The following TOPBP1 variants were observed in gnomAD, a reference collection of about 807,000 sequenced individuals.
TOPBP1 encodes the protein DNA topoisomerase II binding protein 1.
TOPBP1 carries 28 observed loss-of-function variants against 167.7 expected under a neutral mutation model. The ratio of observed to expected loss-of-function variants is 0.17; its 90% CI spans 0.12 to 0.23. TOPBP1 has a LOEUF of 0.23. TOPBP1 is among the 10% of genes least tolerant of loss of function. The pLI, the probability that TOPBP1 is intolerant of heterozygous loss-of-function variation, is 1.00. For synonymous variants in TOPBP1, 598 were observed against 611.4 expected (o/e 0.98, Z 0.32); for missense variants, 1,554 against 1,809.6 (o/e 0.86, Z 2.56).
chr3:133,641,859 T>C (rs1332709219), intron 12 of TOPBP1, among the ~76,000 whole-genome samples: 1 of 152,218 alleles, frequency 6.6e-6, no homozygotes, highest in Non-Finnish European at 1.5e-5. Context: ...AATATACAGC[T>C]ATACGAATTA....
chr3:133,622,555 G>A (rs746205346), intron 19 of TOPBP1, among the ~76,000 whole-genome samples: 3 of 151,920 alleles, frequency 2.0e-5, no homozygotes, highest in Non-Finnish European at 4.4e-5. Context: ...TATGCATAAA[G>A]CAGCTCTAGA....
chr3:133,602,257 T>G (rs371447828), intron 27 of TOPBP1, among the ~76,000 whole-genome samples: 5 of 152,162 alleles, frequency 3.3e-5, no homozygotes, highest in Admixed American at 6.5e-5. Flanking sequence ...AAGTCTTTAA[T>G]AGAAGAAAAA....
chr3:133,631,208 G>A (rs1185239755), intron 14 of TOPBP1, among the ~76,000 whole-genome samples: 6 of 152,142 alleles, frequency 3.9e-5, no homozygotes, highest in Non-Finnish European at 7.4e-5. Flanking sequence ...CCCAAAAGTT[G>A]ATCATCTAAA....
In TOPBP1 at chr3:133,628,675, C is replaced by T. The variant is rs767909970; in HGVS notation, c.2579G>A (p.Ser860Asn). The change falls in exon 15 of 28, where the codon AGT becomes AAT. Residue 860 changes from serine (S) to asparagine (N), a missense_variant. Ser to Asn is a conservative substitution (Grantham distance 46, BLOSUM62 1). Coordinates refer to ENST00000260810, the MANE Select transcript of TOPBP1 (RefSeq NM_007027.4). ...GRPSQQKRKPSTPLSEVIVKN... is the reference protein window; with the variant it reads ...GRPSQQKRKPNTPLSEVIVKN... Reference sequence around the variant, plus strand: ...GACAATAACTTCTGAGAGTGGCGTACTCGGTTTCCTTTTCTGTTGGCTGGG... The same window carrying T: ...GACAATAACTTCTGAGAGTGGCGTATTCGGTTTCCTTTTCTGTTGGCTGGG... The T allele has an allele frequency of 1.3e-6, 2 of 1,565,976 alleles. No homozygotes were observed. The highest frequency in any genetic ancestry group is 1.7e-6 in the Non-Finnish European group (2 of 1,154,200).
At chr3:133,650,876 A>G (rs897685151) in intron 8 of TOPBP1, among the ~76,000 whole-genome samples, 1 of 152,174 alleles carries the variant, frequency 6.6e-6, no homozygotes, top group African/African-American at 2.4e-5. Context: ...TGGGAGGCCA[A>G]GGTGGGCAGA....
At chr3:133,618,634 A>C (rs1314303435) in intron 20 of TOPBP1, among the ~76,000 whole-genome samples, 1 of 152,154 alleles carries the variant, frequency 6.6e-6, no homozygotes, top group Non-Finnish European at 1.5e-5. Context: ...CAGAAAAGTT[A>C]TCTGTTTTAG....
intron 27 of TOPBP1, among the ~76,000 whole-genome samples, chr3:133,605,450 G>A (rs957579738): frequency 6.6e-6 from 1 of 150,666 alleles, no homozygotes; most frequent in Non-Finnish European, 1.5e-5. Context: ...AATATGGCGT[G>A]ATCAAGTGGG....
At chr3:133,649,240 A>G in intron 10 of TOPBP1, 143 bp downstream of exon 10, 1 of 1,181,850 alleles carries the variant, frequency 8.5e-7, no homozygotes, top group Non-Finnish European at 1.1e-6. Flanking sequence ...CTGCTCAGAA[A>G]AAAAGTTATG....
At chr3:133,630,327 C>A (rs1935427119) in intron 14 of TOPBP1, among the ~76,000 whole-genome samples, 1 of 148,896 alleles carries the variant, frequency 6.7e-6, no homozygotes, top group Admixed American at 6.7e-5. Context: ...GAGATGGAGT[C>A]CTGCTTTGTC....
intron 9 of TOPBP1, 68 bp downstream of exon 9, chr3:133,649,712 T>A: frequency 6.3e-7 from 1 of 1,584,598 alleles, no homozygotes; most frequent in African/African-American, 1.4e-5. Flanking sequence ...TTTCCAGAAC[T>A]GCGTGGATAT....
intron 25 of TOPBP1, 53 bp from the exon 26 acceptor site, chr3:133,609,015 T>A (rs1438341015): frequency 3.0e-6 from 4 of 1,349,796 alleles, no homozygotes; most frequent in Non-Finnish European, 4.2e-6. Context: ...AACAAAATAA[T>A]ACAGATAATG....
At chr3:133,609,301 C>T (rs1934598517) in intron 25 of TOPBP1, among the ~76,000 whole-genome samples, 1 of 152,048 alleles carries the variant, frequency 6.6e-6, no homozygotes, top group South Asian at 2.1e-4. Context: ...TAGATGAAGC[C>T]TGCGTTTCAC....
intron 27 of TOPBP1, among the ~76,000 whole-genome samples, chr3:133,606,922 TAC>T (rs369226982): frequency 4.0e-5 from 6 of 151,548 alleles, no homozygotes; most frequent in African/African-American, 9.7e-5. Context: ...AAATATTAAA[TAC>T]ACACACACAC....
intron 14 of TOPBP1, among the ~76,000 whole-genome samples, chr3:133,637,530 T>C (rs1935718557): frequency 6.6e-6 from 1 of 152,222 alleles, no homozygotes; most frequent in Non-Finnish European, 1.5e-5. Context: ...GATTTCATCA[T>C]TTGATCTTTA....
chr3:133,621,884 A>G (rs895672693), intron 19 of TOPBP1, among the ~76,000 whole-genome samples: 1 of 152,232 alleles, frequency 6.6e-6, no homozygotes, highest in Non-Finnish European at 1.5e-5. Flanking sequence ...TATAAAAGCA[A>G]GAAAGTAGAA....
At chr3:133,618,120 C>A in intron 21 of TOPBP1, 93 bp downstream of exon 21, 1 of 1,064,208 alleles carries the variant, frequency 9.4e-7, no homozygotes. Context: ...TTTGCACATT[C>A]AGATCAGAGA....
At chr3:133,607,927 T>C (rs1559805248) in intron 27 of TOPBP1, among the ~76,000 whole-genome samples, 1 of 152,204 alleles carries the variant, frequency 6.6e-6, no homozygotes, top group East Asian at 1.9e-4. Context: ...CTTTGAGTGT[T>C]GGCCTCCCCT....
intron 22 of TOPBP1, 97 bp downstream of exon 22, chr3:133,617,063 A>C: frequency 6.9e-7 from 1 of 1,449,460 alleles, no homozygotes; most frequent in Non-Finnish European, 9.2e-7. Flanking sequence ...ATAGTTTTCA[A>C]CATTTGATGA....
intron 16 of TOPBP1, 22 bp from the exon 17 acceptor site, chr3:133,624,197 A>C (rs1026824898): frequency 6.2e-7 from 1 of 1,609,870 alleles, no homozygotes; most frequent in South Asian, 1.1e-5. Flanking sequence ...AATACAAAAA[A>C]ACAAATAACC....
Sources: gnomAD v4.1 joint callset for allele counts (sites outside exome capture counted in the v4.1 genomes callset) on GRCh38, gnomAD v4.1.1 for gene constraint, MANE v1.5 for transcripts, NCBI Gene and HGNC (gene_info 2026-07-23, HGNC 2026-07-21) for gene names.